The following ARPP19 variants were observed in gnomAD, a reference collection of about 807,000 sequenced individuals.
ARPP19 encodes cAMP regulated phosphoprotein 19, also known as cAMP-regulated phosphoprotein 19.
Under a neutral mutation model 12.0 loss-of-function variants are expected in ARPP19, and 8 were observed. The ratio of observed to expected loss-of-function variants is 0.67; its 90% confidence interval spans 0.39 to 1.21. The LOEUF (loss-of-function observed/expected upper bound fraction) is 1.21. Ranked by LOEUF, ARPP19 falls within the 50% of genes most tolerant of loss-of-function variation. The probability of loss-of-function intolerance (pLI) is 0.01; values close to 1 mark genes in which losing one functional copy is unlikely to be tolerated. For synonymous variants in ARPP19, 47 were observed against 50.4 expected, an observed-to-expected ratio of 0.93 and a Z score of 0.29; for missense variants, 102 against 136.3, an observed-to-expected ratio of 0.75 and a Z score of 1.25.
intron 1 of ARPP19, chr15:52,557,724 T>C (rs2077994004): frequency 6.6e-6 from 1 of 151,848 alleles, no homozygotes; most frequent in African/African-American, 2.4e-5. Flanking sequence ...ATTTGTTTTT[T>C]TATAATAAAT....
intron 2 of ARPP19, among the ~76,000 whole-genome samples, chr15:52,556,729 G>A (rs961920386): frequency 6.6e-6 from 1 of 151,974 alleles, no homozygotes. Context: ...TAAGGGAAAG[G>A]GCTCATATTT....
chr15:52,565,200 ATTATT>A (rs755385513), intron 1 of ARPP19, among the ~76,000 whole-genome samples: 1 of 151,190 alleles, frequency 6.6e-6, no homozygotes, highest in East Asian at 1.9e-4. Flanking sequence ...GTGTAGATTT[ATTATT>A]TTAGAGACGG....
At chr15:52,557,071 G>A in intron 2 of ARPP19, 29 bp downstream of exon 2, 4 of 1,608,546 alleles carry the variant, frequency 2.5e-6, no homozygotes, top group South Asian at 1.1e-5. Context: ...TAGGGCTTAA[G>A]TATTTGGAAA....
intron 1 of ARPP19, chr15:52,564,051 T>G: frequency 1.7e-6 from 1 of 591,172 alleles, no homozygotes; most frequent in Non-Finnish European, 2.9e-6. Flanking sequence ...ATATTTTATG[T>G]TATAGTAAAC....
At chr15:52,567,048 C>T (rs540154913) in intron 1 of ARPP19, among the ~76,000 whole-genome samples, 3 of 152,276 alleles carry the variant, frequency 2.0e-5, no homozygotes, top group South Asian at 2.1e-4. Flanking sequence ...TTTAGGTCAT[C>T]GAACTGATCT....
At position 52,555,818 on chromosome 15, in the gene ARPP19, C is replaced by T. The variant is rs193035465; in HGVS notation, c.168+1282G>A. On this transcript the variant is annotated intron_variant, in intron 2 of 2. Coordinates refer to ENST00000249822, the MANE Select transcript of ARPP19 (RefSeq NM_006628.6). ...TTTTTGCAATTTAGTTATATAAATACTATGATGTAATTTGCATTTCACTGA... is the reference window on the plus strand; with the variant it reads ...TTTTTGCAATTTAGTTATATAAATATTATGATGTAATTTGCATTTCACTGA... 1.3e-3 allele frequency among the ~76,000 whole-genome samples: 192 copies of T among 152,042 alleles called. 3 individuals carry two copies. Among genetic ancestry groups the T allele is most frequent in the Admixed American group, 9.6e-3 (147 of 15,284 alleles).
chr15:52,551,871 GA>G lies in ARPP19; in HGVS notation c.*62del. 8.1e-7 allele frequency: 1 copy of G among 1,229,190 alleles called. No individual in the cohort carries two copies. The highest frequency in any genetic ancestry group is 1.2e-6 in the Non-Finnish European group (1 of 854,868). 76.1% of individuals were successfully genotyped at this position (1,229,190 alleles called of 1,614,324 possible). A position where few individuals can be genotyped will look rare whatever the true frequency, so the allele number is the denominator to read the frequency against. ...AGTGAATGAAAGGAAATAAAAAGTA[GA>G]TAAGTAACATATTAAGGAGAAATAA... is the stretch of plus-strand genomic sequence containing the variant. On this transcript the variant is annotated 3_prime_UTR_variant, in exon 3 of 3. Transcript: ENST00000249822.
At chr15:52,558,659 A>G (rs1042299592) in intron 1 of ARPP19, among the ~76,000 whole-genome samples, 1 of 152,036 alleles carries the variant, frequency 6.6e-6, no homozygotes, top group Admixed American at 6.6e-5. Context: ...AGGAATGTTA[A>G]ATCCATAAAT....
chr15:52,564,092 A>G (rs2078059600), intron 1 of ARPP19: 2 of 784,998 alleles, frequency 2.5e-6, no homozygotes, highest in Admixed American at 2.3e-5. Flanking sequence ...TAAGTATTCA[A>G]GTCTTGCACA....
At chr15:52,559,400 A>G (rs1388788523) in intron 1 of ARPP19, among the ~76,000 whole-genome samples, 1 of 152,144 alleles carries the variant, frequency 6.6e-6, no homozygotes, top group Non-Finnish European at 1.5e-5. Flanking sequence ...AGTGTTTAAA[A>G]TCTCAGCCCG....
intron 1 of ARPP19, among the ~76,000 whole-genome samples, chr15:52,558,470 G>GAAAAAAAAAAAA (rs143549178): frequency 7.8e-5 from 5 of 63,854 alleles, no homozygotes; most frequent in Non-Finnish European, 1.4e-4. Flanking sequence ...AAACAAAACA[G>GAAAAAAAAAAAA]AAAAAAAAAA....
chr15:52,558,020 T>C (rs2077997406), intron 1 of ARPP19, among the ~76,000 whole-genome samples: 1 of 152,252 alleles, frequency 6.6e-6, no homozygotes, highest in African/African-American at 2.4e-5. Context: ...CAAAAACCTG[T>C]TTCCTGACAG....
chr15:52,558,842 G>T (rs1229447491), intron 1 of ARPP19, among the ~76,000 whole-genome samples: 3 of 150,990 alleles, frequency 2.0e-5, no homozygotes, highest in African/African-American at 2.4e-5. Context: ...CCACGGGGGG[G>T]AAAAAATTAC....
intron 1 of ARPP19, among the ~76,000 whole-genome samples, chr15:52,567,349 A>T (rs1451756401): frequency 6.6e-6 from 1 of 152,242 alleles, no homozygotes; most frequent in Admixed American, 6.5e-5. Flanking sequence ...AAGTATTTAC[A>T]CTCTAGAAGT....
chr15:52,569,054 GCT>G (rs565617558), upstream of ARPP19: 208 of 592,374 alleles, frequency 3.5e-4, 1 homozygote, highest in African/African-American at 4.0e-3. Context: ...GAAACGCTCC[GCT>G]GGCCAAGGCC....
At position 52,568,911 on chromosome 15, in the gene ARPP19, G is replaced by C. The variant is rs755293294; in HGVS notation, c.-19C>G. 5.1e-6 allele frequency: 8 copies of C among 1,554,946 alleles called. No individual in the cohort carries two copies. The highest frequency in any genetic ancestry group is 6.9e-6 in the Non-Finnish European group (8 of 1,152,034). ...CAGACATAGTGCTCCCTCTGCAGAC[G>C]AGACGCCGGGAAAAGATGCAATTAG... On this transcript the variant is annotated 5_prime_UTR_variant, in exon 1 of 3. Coordinates refer to ENST00000249822, the MANE Select transcript of ARPP19 (RefSeq NM_006628.6).
intron 1 of ARPP19, among the ~76,000 whole-genome samples, chr15:52,565,053 T>C (rs1175695181): frequency 1.3e-5 from 2 of 151,716 alleles, no homozygotes; most frequent in African/African-American, 4.8e-5. Flanking sequence ...TTTTTTTTTT[T>C]TTTGAGACAG....
At chr15:52,564,150 A>T in intron 1 of ARPP19, 3 of 1,437,328 alleles carry the variant, frequency 2.1e-6, no homozygotes, top group Middle Eastern at 1.7e-4. Flanking sequence ...AACTGCTAAG[A>T]CGGCTAAGAG....
rs2077888812 is a variant in ARPP19 at position 52,547,528 on chromosome 15, T to G, written c.*4406A>C. Reference sequence around the variant, plus strand: ...AAAAATAACATAATACAAACATATATTAATGGCTATCAAGACCAGCAGTGA... The same window carrying G: ...AAAAATAACATAATACAAACATATAGTAATGGCTATCAAGACCAGCAGTGA... On this transcript the variant is annotated 3_prime_UTR_variant, in exon 3 of 3. Coordinates refer to ENST00000249822, the MANE Select transcript of ARPP19 (RefSeq NM_006628.6). The G allele has an allele frequency of 6.6e-6, 1 of 152,202 alleles. No individual in the cohort carries two copies. Among genetic ancestry groups the G allele is most frequent in the Non-Finnish European group, 1.5e-5 (1 of 68,034 alleles). The allele number at this position is 152,202 out of a possible 1,614,324, so 9.4% of individuals were successfully genotyped here.
Sources: allele counts gnomAD v4.1 joint callset (sites outside exome capture counted in the v4.1 genomes callset), GRCh38; gene constraint gnomAD v4.1.1; transcripts MANE v1.5; gene names NCBI Gene and HGNC (gene_info 2026-07-23, HGNC 2026-07-21).